KCNJ10: variants seen among roughly 807,000 people sequenced by gnomAD.
KCNJ10 encodes ATP-sensitive inward rectifier potassium channel 10.
Under a neutral mutation model 22.2 loss-of-function variants are expected in KCNJ10, and 9 were observed. The ratio of observed to expected loss-of-function variants is 0.40; its 90% CI spans 0.24 to 0.71. KCNJ10 has a LOEUF of 0.71. Among genes scored for constraint, KCNJ10 ranks in the 30% least tolerant of loss-of-function variants. The pLI, the probability that KCNJ10 is intolerant of heterozygous loss-of-function variation, is 0.35. For missense variants in KCNJ10, 337 were observed against 482.7 expected (o/e 0.70, Z 2.83); for synonymous variants, 184 against 187.3 (o/e 0.98, Z 0.15).
intron 1 of KCNJ10, among the ~76,000 whole-genome samples, chr1:160,052,426 T>G (rs1240842825): frequency 2.0e-5 from 3 of 152,198 alleles, no homozygotes; most frequent in Non-Finnish European, 4.4e-5. Context: ...TGCAGTACTT[T>G]TCTTCCTTCC....
intron 1 of KCNJ10, among the ~76,000 whole-genome samples, chr1:160,048,416 G>A (rs565027222): frequency 3.7e-4 from 57 of 152,374 alleles, no homozygotes; most frequent in African/African-American, 1.3e-3. Context: ...TTTGCAGGGG[G>A]CTGGGGAGAG....
rs1648615184 is a variant in KCNJ10 at position 160,041,878 on chromosome 1, G to C, written c.655C>G (p.Gln219Glu). Residue 219 changes from glutamine (Q) to glutamate (E), a missense_variant, in exon 2 of 2, where the codon CAG (glutamine) becomes GAG (glutamate). Gln to Glu is a conservative substitution (Grantham distance 29). Coordinates refer to ENST00000644903, the MANE Select transcript of KCNJ10 (RefSeq NM_002241.5). This position sits in a 1 kb window ranked among gnomAD's most constrained non-coding sequence, Gnocchi z 4.4. ...TCCCCTTCCTTGGTTTGGTGGGTCT[G>C]AAGCAGTTTTCCTGTCACCTGGCAG... ...IGCQVTGKLL[Q>E]THQTKEGENI... 6.2e-7 allele frequency: 1 copy of C among 1,614,096 alleles called. No individual in the cohort carries two copies. The highest frequency in any genetic ancestry group is 1.3e-5 in the African/African-American group (1 of 74,940).
At chr1:160,056,180 C>G (rs960639345) in intron 1 of KCNJ10, among the ~76,000 whole-genome samples, 1 of 152,152 alleles carries the variant, frequency 6.6e-6, no homozygotes, top group East Asian at 1.9e-4. Flanking sequence ...GCAATGGTCT[C>G]CTGGTTCTCT....
chr1:160,049,675 T>TATATA (rs1648834329), intron 1 of KCNJ10, among the ~76,000 whole-genome samples: 1 of 47,096 alleles, frequency 2.1e-5, no homozygotes, highest in Non-Finnish European at 4.1e-5. Context: ...TTTTATTTAT[T>TATATA]TATATATATA....
intron 1 of KCNJ10, among the ~76,000 whole-genome samples, chr1:160,043,269 T>TC (rs1557968468): frequency 5.7e-5 from 3 of 52,336 alleles, no homozygotes; most frequent in African/African-American, 8.4e-5. Context: ...CAATCCCCCT[T>TC]AAAACACACA....
At chr1:160,050,292 C>G (rs1055102169) in intron 1 of KCNJ10, among the ~76,000 whole-genome samples, 1 of 93,262 alleles carries the variant, frequency 1.1e-5, no homozygotes, top group African/African-American at 2.9e-5. Context: ...CACCACCACA[C>G]CCAGCTAATT....
chr1:160,051,490 T>G (rs907842670), intron 1 of KCNJ10, among the ~76,000 whole-genome samples: 4 of 152,092 alleles, frequency 2.6e-5, no homozygotes, highest in Non-Finnish European at 5.9e-5. Context: ...GAGCTGAAAT[T>G]TATGCCTCTT....
chr1:160,049,675 T>TTTTATATA lies in KCNJ10; in HGVS notation c.1-7144_1-7143insTATATAAA, dbSNP rs1553235648. 8.3e-3 allele frequency among the ~76,000 whole-genome samples: 389 copies of TTTTATATA among 47,086 alleles called. 8 individuals are homozygous for TTTTATATA. Among genetic ancestry groups the TTTTATATA allele is most frequent in the Non-Finnish European group, 0.012 (303 of 24,298 alleles). The allele number at this position is 47,086 out of a possible 152,430, so 30.9% of individuals were successfully genotyped here. Reference sequence around the variant, plus strand: ...AAGAAGGATCCAGCATTTTATTTATTTATATATATATATATATATATATAT... The same window carrying TTTTATATA: ...AAGAAGGATCCAGCATTTTATTTATTTTTATATATATATATATATATATATATATATAT... On this transcript the variant is annotated intron_variant, in intron 1 of 1. Transcript: ENST00000644903.
At chr1:160,054,167 C>T (rs971464024) in intron 1 of KCNJ10, among the ~76,000 whole-genome samples, 5 of 152,316 alleles carry the variant, frequency 3.3e-5, no homozygotes, top group South Asian at 4.1e-4. Context: ...GATGCACCTG[C>T]CCTCTCAACC....
intron 1 of KCNJ10, among the ~76,000 whole-genome samples, chr1:160,049,005 A>G (rs1442980708): frequency 6.6e-6 from 1 of 152,206 alleles, no homozygotes; most frequent in African/African-American, 2.4e-5. Context: ...TACTTTAGAA[A>G]GCACTTTCAC....
intron 1 of KCNJ10, among the ~76,000 whole-genome samples, chr1:160,058,376 A>G (rs548823804): frequency 1.3e-5 from 2 of 152,292 alleles, no homozygotes; most frequent in African/African-American, 2.4e-5. Context: ...ACTGAGGCCC[A>G]CTGTGGGAGT....
intron 1 of KCNJ10, among the ~76,000 whole-genome samples, chr1:160,052,234 C>G (rs1331714777): frequency 6.6e-6 from 1 of 152,184 alleles, no homozygotes; most frequent in Non-Finnish European, 1.5e-5. Flanking sequence ...TAGCTATTAA[C>G]TAATCCAATT....
At chr1:160,042,653 A>G (rs1571266041) in intron 1 of KCNJ10, 121 bp from the exon 2 acceptor site, 8 of 960,390 alleles carry the variant, frequency 8.3e-6, no homozygotes, top group Admixed American at 2.0e-5. Flanking sequence ...TTCTTGTCTT[A>G]CCAAATATTT....
At chr1:160,045,525 T>TA (rs1299107802) in intron 1 of KCNJ10, among the ~76,000 whole-genome samples, 1 of 152,188 alleles carries the variant, frequency 6.6e-6, no homozygotes, top group Non-Finnish European at 1.5e-5. Context: ...CAGTACAATA[T>TA]AAAAAAATTA....
At position 160,038,299 on chromosome 1, in the gene KCNJ10, C is replaced by T. The variant is rs888299557; in HGVS notation, c.*3094G>A. 1 of 152,216 alleles carries T rather than the reference C, an allele frequency of 6.6e-6. No homozygotes were observed. The highest frequency in any genetic ancestry group is 2.4e-5 in the African/African-American group (1 of 41,440). The allele number at this position is 152,216 out of a possible 1,614,324, so 9.4% of individuals were successfully genotyped here. A position where few individuals can be genotyped will look rare whatever the true frequency, so the allele number is the denominator to read the frequency against. ...TTTTATTTATTTTAAAAAGGCGCTACAGTGGCAGGACGCTGCTGGGGATGG... is the reference window on the plus strand; with the variant it reads ...TTTTATTTATTTTAAAAAGGCGCTATAGTGGCAGGACGCTGCTGGGGATGG... On this transcript the variant is annotated 3_prime_UTR_variant, in exon 2 of 2. Coordinates refer to ENST00000644903, the MANE Select transcript of KCNJ10 (RefSeq NM_002241.5).
rs556062868 is a variant in KCNJ10, at chr1:160,055,676, C to T, written c.1-13144G>A. Among the ~76,000 whole-genome samples the T allele has an allele frequency of 2.8e-4, 42 of 152,290 alleles. 1 individual carries two copies. Among genetic ancestry groups the T allele is most frequent in the Admixed American group, 2.4e-3 (36 of 15,298 alleles). On this transcript the variant is annotated intron_variant, in intron 1 of 1. Coordinates refer to ENST00000644903, the MANE Select transcript of KCNJ10 (RefSeq NM_002241.5). The stretch of plus-strand genomic sequence containing the variant: ...AACACTGCATGGGTTGTGAACACTA[C>T]ATGTGTGCACAGTCTCACTGTTACT...
Position 160,040,566 on chromosome 1 carries a change from C to T in KCNJ10, c.*827G>A, listed in dbSNP as rs575398173. 2.5e-5 allele frequency: 10 copies of T among 398,662 alleles called. No individual in the cohort carries two copies. In the South Asian group the frequency reaches 1.1e-3, roughly 46 times the overall value. 24.7% of individuals were successfully genotyped at this position (398,662 alleles called of 1,614,324 possible). ...ACATATTGGCTTGGGTCCTTCCATT[C>T]ACAGGACACAGGGAAACAGATCTTC... On this transcript the variant is annotated 3_prime_UTR_variant, in exon 2 of 2. Transcript: ENST00000644903.
At chr1:160,055,521 C>G (rs1342286950) in intron 1 of KCNJ10, among the ~76,000 whole-genome samples, 1 of 152,174 alleles carries the variant, frequency 6.6e-6, no homozygotes, top group Non-Finnish European at 1.5e-5. Flanking sequence ...CATTAAGTAG[C>G]TCTGCCATTT....
rs1047095168 is a variant in KCNJ10 at position 160,040,654 on chromosome 1, T to C, written c.*739A>G. 2.5e-6 allele frequency: 1 copy of C among 398,942 alleles called. No homozygotes were observed. The highest frequency in any genetic ancestry group is 1.3e-4 in the South Asian group (1 of 7,870). The allele number at this position is 398,942 out of a possible 1,614,324, so 24.7% of individuals were successfully genotyped here. A position where few individuals can be genotyped will look rare whatever the true frequency, so the allele number is the denominator to read the frequency against. On this transcript the variant is annotated 3_prime_UTR_variant, in exon 2 of 2. Transcript: ENST00000644903. ...AACAACTTGTGTTAGTCACTCCAAA[T>C]TGAAGAGTTCAGAATCCAGGATAGA...
Sources: gnomAD v4.1 joint callset for allele counts (sites outside exome capture counted in the v4.1 genomes callset) on GRCh38, gnomAD v4.1.1 for gene constraint, Gnocchi (gnomAD v3.1) non-coding constraint, MANE v1.5 for transcripts, NCBI Gene and HGNC (gene_info 2026-07-23, HGNC 2026-07-21) for gene names.